The following PPIG variants were observed in gnomAD, a reference collection of about 807,000 sequenced individuals.
PPIG encodes peptidylprolyl isomerase G, also known as peptidyl-prolyl cis-trans isomerase G.
In PPIG, 26 loss-of-function variants were observed where a neutral mutation model predicts 87.9. The ratio of observed to expected loss-of-function variants is 0.30; its 90% CI spans 0.22 to 0.41. The LOEUF (loss-of-function observed/expected upper bound fraction) is 0.41. Ranked by LOEUF, PPIG falls within the 10% of genes least tolerant of loss-of-function variation. PPIG has a pLI of 1.00. For missense variants in PPIG, 722 were observed against 879.4 expected (o/e 0.82, Z 2.26); for synonymous variants, 308 against 276.5 (o/e 1.11, Z -1.13).
chr2:169,630,032 C>G (rs1685994948), intron 9 of PPIG, among the ~76,000 whole-genome samples: 1 of 152,086 alleles, frequency 6.6e-6, no homozygotes, highest in Non-Finnish European at 1.5e-5. Context: ...AATGAGTATA[C>G]CTTTAGATGG....
chr2:169,604,421 A>T (rs1685265323), intron 4 of PPIG, among the ~76,000 whole-genome samples, 160 bp downstream of exon 4: 1 of 146,562 alleles, frequency 6.8e-6, no homozygotes, highest in Admixed American at 7.0e-5. Context: ...CCTTACACAT[A>T]AGCGTCCTCA....
intron 12 of PPIG, among the ~76,000 whole-genome samples, chr2:169,634,977 A>G (rs1686145296): frequency 6.6e-6 from 1 of 152,234 alleles, no homozygotes; most frequent in South Asian, 2.1e-4. Context: ...AAACATAAGA[A>G]TATATAAGCA....
chr2:169,632,484 G>C (rs533965818), intron 11 of PPIG, among the ~76,000 whole-genome samples: 1 of 152,224 alleles, frequency 6.6e-6, no homozygotes, highest in South Asian at 2.1e-4. Flanking sequence ...GCTCACGCCT[G>C]TAATCCCAGC....
At chr2:169,601,450 C>G (rs2121455) in intron 1 of PPIG, among the ~76,000 whole-genome samples, 61,368 of 151,978 alleles carry the variant, frequency 0.4, 13,025 homozygotes, top group East Asian at 0.58. Context: ...GCAATAAATG[C>G]TTGGAAGAAA....
At chr2:169,621,490 G>A (rs1685749765) in intron 9 of PPIG, among the ~76,000 whole-genome samples, 1 of 151,896 alleles carries the variant, frequency 6.6e-6, no homozygotes, top group African/African-American at 2.4e-5. Flanking sequence ...CTTTTTTCTT[G>A]AAGATTCAGT....
At chr2:169,628,939 CAAA>C (rs71006010) in intron 9 of PPIG, among the ~76,000 whole-genome samples, 1 of 92,332 alleles carries the variant, frequency 1.1e-5, no homozygotes, top group Non-Finnish European at 2.1e-5. Context: ...ACCCTGTCTC[CAAA>C]AAAAAAAAAA....
In PPIG at chr2:169,637,890, A is replaced by G. The variant is rs1686225684; in HGVS notation, c.*367A>G. 6.3e-6 allele frequency: 1 copy of G among 158,538 alleles called. No homozygotes were observed. Among genetic ancestry groups the G allele is most frequent in the South Asian group, 2.0e-4 (1 of 5,024 alleles). The allele number at this position is 158,538 out of a possible 1,614,324, so 9.8% of individuals were successfully genotyped here. ...GTTGCAAAAGCTTGTGTTTCTCATGATTAAAGTAACTTTAGAAGCCACTAG... is the reference window on the plus strand; with the variant it reads ...GTTGCAAAAGCTTGTGTTTCTCATGGTTAAAGTAACTTTAGAAGCCACTAG... On this transcript the variant is annotated 3_prime_UTR_variant, in exon 14 of 14. Transcript: ENST00000260970.
chr2:169,588,978 A>G (rs937237623), intron 1 of PPIG, among the ~76,000 whole-genome samples: 4 of 149,530 alleles, frequency 2.7e-5, no homozygotes, highest in Non-Finnish European at 4.4e-5. Flanking sequence ...AAAAAAAAAA[A>G]AAAAACCTTA....
At chr2:169,631,025 T>C (rs1347018354) in intron 10 of PPIG, 38 bp downstream of exon 10, 1 of 1,485,158 alleles carries the variant, frequency 6.7e-7, no homozygotes, top group Non-Finnish European at 9.1e-7. Context: ...CTTTATATTC[T>C]GATTTCCTTT....
At chr2:169,599,799 A>G (rs1685126008) in intron 1 of PPIG, among the ~76,000 whole-genome samples, 1 of 152,238 alleles carries the variant, frequency 6.6e-6, no homozygotes, top group Admixed American at 6.5e-5. Context: ...ACCCTACTCA[A>G]TGAATTGCCC....
chr2:169,632,442 T>C (rs1192331088), intron 11 of PPIG, among the ~76,000 whole-genome samples: 2 of 152,134 alleles, frequency 1.3e-5, no homozygotes, highest in African/African-American at 4.8e-5. Context: ...TTATCAGTCA[T>C]TTTAATAACT....
chr2:169,586,924 C>T (rs1370421982), intron 1 of PPIG, among the ~76,000 whole-genome samples: 3 of 151,992 alleles, frequency 2.0e-5, no homozygotes, highest in African/African-American at 7.2e-5. Flanking sequence ...GCATTGCATG[C>T]TTTTTGCTTT....
chr2:169,592,534 G>C (rs1276232707), intron 1 of PPIG, among the ~76,000 whole-genome samples: 2 of 151,954 alleles, frequency 1.3e-5, no homozygotes, highest in Admixed American at 1.3e-4. Context: ...TCAATCTCCT[G>C]GCCTTGTGAT....
Position 169,631,010 on chromosome 2 carries a change from G to A in PPIG, c.761+23G>A, listed in dbSNP as rs757951128. 2.6e-6 allele frequency: 4 copies of A among 1,530,536 alleles called. No homozygotes were observed. The Admixed American group carries it at 9.0e-5, about 34-fold the overall frequency. The allele number at this position is 1,530,536 out of a possible 1,614,324, so 94.8% of individuals were successfully genotyped here. On this transcript the variant is annotated intron_variant, in intron 10 of 13. Coordinates refer to ENST00000260970, the MANE Select transcript of PPIG (RefSeq NM_004792.3). ...GAGGTCTTAATTTTACTTTTCTAATGCTAGCTTTATATTCTGATTTCCTTT... is the reference window on the plus strand; with the variant it reads ...GAGGTCTTAATTTTACTTTTCTAATACTAGCTTTATATTCTGATTTCCTTT...
intron 1 of PPIG, among the ~76,000 whole-genome samples, chr2:169,593,520 C>T (rs781234278): frequency 1.3e-5 from 2 of 152,154 alleles, no homozygotes; most frequent in Non-Finnish European, 2.9e-5. Context: ...CCTCTCCAGT[C>T]TTACAGACAC....
chr2:169,612,379 ATTTTTTT>A lies in PPIG; in HGVS notation c.378-2069_378-2063del, dbSNP rs57752220. Among the ~76,000 whole-genome samples the A allele has an allele frequency of 3.6e-4, 38 of 106,734 alleles. No homozygotes were observed. The East Asian group carries it at 9.6e-3, about 27-fold the overall frequency. 70.0% of individuals were successfully genotyped at this position (106,734 alleles called of 152,430 possible). On this transcript the variant is annotated intron_variant, in intron 7 of 13. Coordinates refer to ENST00000260970, the MANE Select transcript of PPIG (RefSeq NM_004792.3). ...ATATTGTAACATGTATCAGAACTCCATTTTTTTTTTTTTTTTTTTTTTGAGACAGAAT... is the reference window on the plus strand; with the variant it reads ...ATATTGTAACATGTATCAGAACTCCATTTTTTTTTTTTTTTGAGACAGAAT...
At position 169,584,507 on chromosome 2, in the gene PPIG, T is replaced by G. The variant is rs200070822; in HGVS notation, c.-70+17T>G. 44 of 470,334 alleles carry G rather than the reference T, an allele frequency of 9.4e-5. No individual in the cohort carries two copies. Among genetic ancestry groups the G allele is most frequent in the Non-Finnish European group, 1.7e-4 (38 of 226,786 alleles). 29.1% of individuals were successfully genotyped at this position (470,334 alleles called of 1,614,324 possible). A position where few individuals can be genotyped will look rare whatever the true frequency, so the allele number is the denominator to read the frequency against. On this transcript the variant is annotated intron_variant, in intron 1 of 13. Transcript: ENST00000260970. ...CCGGTGCAGGTAAGTGGTATGAGGC[T>G]CAAGTTGTTCTGGCGGCGTCATTTC...
chr2:169,633,650 T>A, intron 12 of PPIG: 1 of 218,028 alleles, frequency 4.6e-6, no homozygotes, highest in Non-Finnish European at 8.7e-6. Flanking sequence ...AACTTGGCTA[T>A]ACTTTCCTGT....
At chr2:169,621,545 C>A (rs1241944157) in intron 9 of PPIG, among the ~76,000 whole-genome samples, 1 of 151,672 alleles carries the variant, frequency 6.6e-6, no homozygotes, top group Non-Finnish European at 1.5e-5. Context: ...TCTACAAATG[C>A]AATTATTTAC....
Sources: gnomAD v4.1 joint callset for allele counts (sites outside exome capture counted in the v4.1 genomes callset) on GRCh38, gnomAD v4.1.1 for gene constraint, MANE v1.5 for transcripts, NCBI Gene and HGNC (gene_info 2026-07-23, HGNC 2026-07-21) for gene names.